ROBO2: variants seen among roughly 807,000 people sequenced by gnomAD.
The protein encoded by ROBO2 is roundabout homolog 2.
A neutral mutation model predicts 160.8 loss-of-function variants in ROBO2; 53 were observed. The observed-to-expected ratio is 0.33, with a 90% CI of 0.26 to 0.41. The LOEUF is 0.41. Ranked by LOEUF, ROBO2 falls within the 10% of genes least tolerant of loss-of-function variation. The pLI, the probability that ROBO2 is intolerant of heterozygous loss-of-function variation, is 1.00. For missense variants in ROBO2, 1,577 were observed against 1,722.4 expected (o/e 0.92, Z 1.49); for synonymous variants, 664 against 611.7 (o/e 1.09, Z -1.26).
chr3:77,215,223 A>G (rs1338957359), intron 2 of ROBO2, among the ~76,000 whole-genome samples: 2 of 152,020 alleles, frequency 1.3e-5, no homozygotes, highest in African/African-American at 4.8e-5. Context: ...ACACCAATTA[A>G]ACATAGATTT....
intron 2 of ROBO2, chr3:77,316,795 G>A: frequency 7.8e-7 from 1 of 1,280,740 alleles, no homozygotes. Context: ...GTGGCCACCA[G>A]CCTTGACGTT....
At chr3:76,643,525 C>T (rs1209074950) in intron 2 of ROBO2, among the ~76,000 whole-genome samples, 1 of 152,056 alleles carries the variant, frequency 6.6e-6, no homozygotes, top group Admixed American at 6.5e-5. Context: ...AAACCTAAGA[C>T]TGTTGAAAAT....
intron 2 of ROBO2, among the ~76,000 whole-genome samples, chr3:76,639,363 T>C (rs187125657): frequency 6.6e-6 from 1 of 151,904 alleles, no homozygotes; most frequent in Non-Finnish European, 1.5e-5. Flanking sequence ...CATGCATATA[T>C]ACCTGCATAT....
intron 2 of ROBO2, among the ~76,000 whole-genome samples, chr3:76,270,052 G>A (rs919506548): frequency 6.6e-6 from 1 of 152,016 alleles, no homozygotes; most frequent in Non-Finnish European, 1.5e-5. Flanking sequence ...TTTAGATGTG[G>A]TTAAAATTGG....
intron 2 of ROBO2, among the ~76,000 whole-genome samples, chr3:76,562,894 C>T (rs751383665): frequency 5.9e-5 from 9 of 152,062 alleles, no homozygotes; most frequent in Non-Finnish European, 1.2e-4. Flanking sequence ...CTCTTGTGCT[C>T]TCTCCCTTCC....
intron 2 of ROBO2, among the ~76,000 whole-genome samples, chr3:76,791,244 T>C (rs1388042161): frequency 3.3e-5 from 5 of 151,640 alleles, no homozygotes; most frequent in Non-Finnish European, 7.4e-5. Flanking sequence ...TCAAAATAAA[T>C]AGATGGACAG....
chr3:77,308,435 G>A (rs1283371613), intron 2 of ROBO2, among the ~76,000 whole-genome samples: 1 of 152,070 alleles, frequency 6.6e-6, no homozygotes, highest in Admixed American at 6.5e-5. Flanking sequence ...AAAGAACCTA[G>A]ACTTCCTAAG....
intron 2 of ROBO2, among the ~76,000 whole-genome samples, chr3:76,794,486 T>C (rs1218642490): frequency 2.0e-5 from 3 of 152,000 alleles, no homozygotes; most frequent in Non-Finnish European, 2.9e-5. Flanking sequence ...GTGAAGGTAA[T>C]GTATCAAGGG....
rs183661308 is a variant in ROBO2, at chr3:76,394,194, G to A, written c.109+456592G>A. Among the ~76,000 whole-genome samples the A allele has an allele frequency of 6.6e-4, 101 of 152,168 alleles. 2 individuals are homozygous for A. In the East Asian group the frequency reaches 0.018, roughly 28 times the overall value. The stretch of plus-strand genomic sequence containing the variant: ...ATGATATTAGCTGGTTATTTTGCTC[G>A]TTAGTTGATGCAGTTTCTTCCTAGT... On this transcript the variant is annotated intron_variant, in intron 2 of 26. Coordinates refer to the ROBO2 transcript ENST00000487694.
chr3:76,219,583 T>C (rs1703816310), intron 2 of ROBO2, among the ~76,000 whole-genome samples: 1 of 152,230 alleles, frequency 6.6e-6, no homozygotes, highest in East Asian at 1.9e-4. Flanking sequence ...AAAATGCTCA[T>C]CTTCACTGGC....
chr3:76,383,828 A>G (rs1350951848), intron 2 of ROBO2, among the ~76,000 whole-genome samples: 1 of 152,236 alleles, frequency 6.6e-6, no homozygotes, highest in African/African-American at 2.4e-5. Flanking sequence ...GAAAAGCAGG[A>G]TACTTTACTT....
At position 76,541,774 on chromosome 3, in the gene ROBO2, G is replaced by A. The variant is rs202157614; in HGVS notation, c.110-556240G>A. Among the ~76,000 whole-genome samples, 12 of 152,256 alleles carry A rather than the reference G, an allele frequency of 7.9e-5. No individual in the cohort carries two copies. The East Asian group carries it at 1.5e-3, about 20-fold the overall frequency. ...ACTAGGGGTTCTACCTCTTTTTTACGTGACCTAGGTTTTGATTTTCATTTT... is the reference window on the plus strand; with the variant it reads ...ACTAGGGGTTCTACCTCTTTTTTACATGACCTAGGTTTTGATTTTCATTTT... On this transcript the variant is annotated intron_variant, in intron 2 of 26. Coordinates refer to the ROBO2 transcript ENST00000487694.
At position 77,145,010 on chromosome 3, in the gene ROBO2, A is replaced by AT. The variant is rs1191687660; in HGVS notation, c.388+46673dup. ...AGGAAGTAGTCAGTTGCCCTGGCAC[A>AT]TTTATTTTTTTGTCATTTTCTCTTA... is the stretch of plus-strand genomic sequence containing the variant. On this transcript the variant is annotated intron_variant, in intron 2 of 25. Transcript: ENST00000461745. Among the ~76,000 whole-genome samples, 504 of 152,110 alleles carry AT rather than the reference A, an allele frequency of 3.3e-3. 1 individual carries two copies. Among genetic ancestry groups the AT allele is most frequent in the African/African-American group, 0.011 (474 of 41,436 alleles).
chr3:77,509,656 G>A (rs552758245), intron 5 of ROBO2, among the ~76,000 whole-genome samples: 18 of 152,146 alleles, frequency 1.2e-4, no homozygotes, highest in African/African-American at 4.3e-4. Context: ...AATATACTGT[G>A]TGATGTCCCC....
intron 2 of ROBO2, among the ~76,000 whole-genome samples, chr3:76,137,361 G>A (rs978209358): frequency 2.0e-5 from 3 of 151,872 alleles, no homozygotes; most frequent in Admixed American, 2.0e-4. Flanking sequence ...TCCAATCCTA[G>A]AAAACGTACC....
At chr3:75,983,836 C>T (rs1324965990) in intron 2 of ROBO2, among the ~76,000 whole-genome samples, 1 of 151,368 alleles carries the variant, frequency 6.6e-6, no homozygotes, top group African/African-American at 2.4e-5. Flanking sequence ...TATGAAAACT[C>T]ACTTGTCAAA....
intron 2 of ROBO2, among the ~76,000 whole-genome samples, chr3:77,402,464 A>G (rs866753545): frequency 6.6e-6 from 1 of 152,118 alleles, no homozygotes. Flanking sequence ...TAAAATAATA[A>G]TTGGTTGCAG....
rs1041908073 is a variant in ROBO2, at chr3:76,079,851, AGAAG to A, written c.109+142254_109+142257del. 6.6e-5 allele frequency among the ~76,000 whole-genome samples: 10 copies of A among 152,254 alleles called. No homozygotes were observed. In the East Asian group the frequency reaches 1.4e-3, roughly 21 times the overall value. ...ACAACAACAACAAAGAAAAAAAGAA[AGAAG>A]GAAGAAAGAAATTTCTACAAAATCC... On this transcript the variant is annotated intron_variant, in intron 2 of 26. Coordinates refer to the ROBO2 transcript ENST00000487694.
chr3:77,047,523 T>A (rs975253019), intron 1 of ROBO2, among the ~76,000 whole-genome samples: 1 of 148,366 alleles, frequency 6.7e-6, no homozygotes, highest in Non-Finnish European at 1.5e-5. Context: ...CCTCTCTATT[T>A]AAAAAAAATA....
Sources: gnomAD v4.1 joint callset for allele counts (sites outside exome capture counted in the v4.1 genomes callset) on GRCh38, gnomAD v4.1.1 for gene constraint, MANE v1.5 for transcripts, NCBI Gene and HGNC (gene_info 2026-07-23, HGNC 2026-07-21) for gene names.